TAF1B: variants seen among roughly 807,000 people sequenced by gnomAD.
TAF1B encodes TATA box-binding protein-associated factor RNA polymerase I subunit B.
A neutral mutation model predicts 83.9 loss-of-function variants in TAF1B; 61 were observed. The ratio of observed to expected loss-of-function variants is 0.73; its 90% CI spans 0.59 to 0.90. The LOEUF is 0.90. Among genes scored for constraint, TAF1B ranks in the 40% least tolerant of loss-of-function variants. TAF1B has a pLI of 0.00. For missense variants in TAF1B, 625 were observed against 677.0 expected (o/e 0.92, Z 0.85); for synonymous variants, 221 against 224.6 (o/e 0.98, Z 0.14).
At position 9,881,268 on chromosome 2, in the gene TAF1B, G is replaced by A. The variant is rs1664496934; in HGVS notation, c.708-1438G>A. On this transcript the variant is annotated intron_variant, in intron 7 of 14. Transcript: ENST00000263663. Reference sequence around the variant, plus strand: ...CAGGAAAATCACTTGAACCTGGGAGGTGGAGGCTGCAGTGAGCTGAGATCA... The same window carrying A: ...CAGGAAAATCACTTGAACCTGGGAGATGGAGGCTGCAGTGAGCTGAGATCA... 2.0e-5 allele frequency among the ~76,000 whole-genome samples: 3 copies of A among 152,128 alleles called. No individual in the cohort carries two copies. In the South Asian group the frequency reaches 6.2e-4, roughly 32 times the overall value.
chr2:9,933,642 A>G (rs1666285310), intron 14 of TAF1B, 141 bp from the exon 15 acceptor site: 2 of 665,152 alleles, frequency 3.0e-6, no homozygotes, highest in South Asian at 4.5e-5. Flanking sequence ...AAATTCTTCT[A>G]AGTTTCCTTC....
In TAF1B at chr2:9,868,394, GA is replaced by G; in HGVS notation, c.522del (p.Lys174AsnfsTer34). On this transcript the variant is annotated frameshift_variant, in exon 6 of 15. Transcript: ENST00000263663. LOFTEE classifies it high-confidence loss of function. ...GAGTCTCAGTCTGACATCCACACTC[GA>G]AAACCTTTCCCCGTCAGCAAAGCAT... ...GAESQSDIHT[R>X]KPFPVSKASQ... 2 of 1,613,562 alleles carry G rather than the reference GA, an allele frequency of 1.2e-6. No individual in the cohort carries two copies. Among genetic ancestry groups the G allele is most frequent in the Non-Finnish European group, 1.7e-6 (2 of 1,179,678 alleles).
chr2:9,852,729 C>T (rs929014806), intron 4 of TAF1B, among the ~76,000 whole-genome samples: 6 of 152,268 alleles, frequency 3.9e-5, no homozygotes, highest in South Asian at 4.1e-4. Context: ...TGAGCTCAGG[C>T]AATCTGCCCA....
chr2:9,904,819 T>C lies in TAF1B; in HGVS notation c.808-40T>C, dbSNP rs1665291016. On this transcript the variant is annotated intron_variant, in intron 8 of 14. Transcript: ENST00000263663. ...ACATATTTTTAAAAATAAGTTTTGT[T>C]GCAAAAATTGCAACTATGATGGTCT... The C allele has an allele frequency of 3.2e-6, 5 of 1,573,106 alleles. No individual in the cohort carries two copies. The African/African-American group carries it at 5.5e-5, about 17-fold the overall frequency.
chr2:9,857,167 G>T (rs1663591032), intron 5 of TAF1B, among the ~76,000 whole-genome samples: 1 of 152,116 alleles, frequency 6.6e-6, no homozygotes, highest in Non-Finnish European at 1.5e-5. Flanking sequence ...TAAACCATGG[G>T]ATATCTAGGG....
At chr2:9,879,030 A>G (rs1664410017) in intron 7 of TAF1B, among the ~76,000 whole-genome samples, 1 of 152,218 alleles carries the variant, frequency 6.6e-6, no homozygotes, top group Admixed American at 6.5e-5. Context: ...TGTGAATATC[A>G]GGAGTACAAT....
At chr2:9,924,858 C>T (rs1378326562) in intron 14 of TAF1B, among the ~76,000 whole-genome samples, 1 of 152,164 alleles carries the variant, frequency 6.6e-6, no homozygotes, top group Non-Finnish European at 1.5e-5. Flanking sequence ...CACAAGAGTA[C>T]TTCAGGTATG....
intron 14 of TAF1B, among the ~76,000 whole-genome samples, chr2:9,932,021 C>A (rs1666229279): frequency 1.3e-5 from 2 of 152,194 alleles, no homozygotes; most frequent in South Asian, 4.1e-4. Flanking sequence ...TCCATCAGAT[C>A]ATTTAAGGTC....
At chr2:9,894,861 C>T (rs1384412073) in intron 8 of TAF1B, among the ~76,000 whole-genome samples, 1 of 152,134 alleles carries the variant, frequency 6.6e-6, no homozygotes. Flanking sequence ...CTAGTCTTCT[C>T]GATACCATCT....
intron 8 of TAF1B, among the ~76,000 whole-genome samples, chr2:9,889,054 G>A (rs993185518): frequency 3.3e-5 from 5 of 151,416 alleles, no homozygotes; most frequent in Admixed American, 6.6e-5. Context: ...CACCCGCCTC[G>A]GCCTCCCAGA....
At position 9,868,347 on chromosome 2, in the gene TAF1B, T is replaced by G. The variant is rs11540128; in HGVS notation, c.471T>G (p.Pro157=). ...EPELLSDVSC[P]PFLESGAESQ... ...AGCTGCTAAGTGATGTCAGCTGTCC[T>G]CCTTTTCTTGAAAGTGGAGCGGAGT... The change falls in exon 6 of 15, where the codon CCT becomes CCG. Residue 157 remains proline, a synonymous_variant. Coordinates refer to ENST00000263663, the MANE Select transcript of TAF1B (RefSeq NM_005680.3). The G allele has an allele frequency of 6.2e-7, 1 of 1,614,198 alleles. No individual in the cohort carries two copies. Among genetic ancestry groups the G allele is most frequent in the East Asian group, 2.2e-5 (1 of 44,888 alleles).
chr2:9,913,306 A>G (rs1240303409), intron 12 of TAF1B, 57 bp downstream of exon 12: 2 of 1,425,662 alleles, frequency 1.4e-6, no homozygotes, highest in African/African-American at 2.8e-5. Context: ...CTGTTACTTT[A>G]CATTTGAAAG....
At chr2:9,912,812 C>A (rs1056343320) in intron 11 of TAF1B, among the ~76,000 whole-genome samples, 3 of 152,226 alleles carry the variant, frequency 2.0e-5, no homozygotes, top group African/African-American at 4.8e-5. Context: ...TCTGTTCTTA[C>A]AGTTCTTTCG....
intron 3 of TAF1B, among the ~76,000 whole-genome samples, chr2:9,850,883 C>T (rs569474664): frequency 1.3e-5 from 2 of 152,298 alleles, no homozygotes; most frequent in South Asian, 2.1e-4. Context: ...ACACTTGGCA[C>T]CTAGGCTGAG....
At chr2:9,927,102 T>C (rs193062984) in intron 14 of TAF1B, among the ~76,000 whole-genome samples, 2 of 144,162 alleles carry the variant, frequency 1.4e-5, no homozygotes, top group East Asian at 2.3e-4. Flanking sequence ...TTCCCACTTA[T>C]GAGTGAGAAC....
intron 14 of TAF1B, among the ~76,000 whole-genome samples, chr2:9,927,430 C>A (rs1291450110): frequency 1.3e-5 from 2 of 152,174 alleles, no homozygotes; most frequent in Non-Finnish European, 2.9e-5. Context: ...GTTCTAGATC[C>A]TTGAGGAATT....
chr2:9,843,832 T>C, intron 1 of TAF1B: 1 of 300,030 alleles, frequency 3.3e-6, no homozygotes, highest in East Asian at 5.7e-5. Context: ...AGGATGAAGC[T>C]GTGGGTTTTG....
intron 12 of TAF1B, 159 bp downstream of exon 12, chr2:9,913,408 C>T: frequency 2.0e-6 from 1 of 504,714 alleles, no homozygotes. Context: ...CTCTTTTTTA[C>T]ATTACTATTA....
intron 6 of TAF1B, among the ~76,000 whole-genome samples, chr2:9,873,991 A>G (rs530511204): frequency 6.6e-6 from 1 of 152,152 alleles, no homozygotes; most frequent in Non-Finnish European, 1.5e-5. Context: ...ACTTCTTAGA[A>G]TAAAATCCAA....
Sources: gnomAD v4.1 joint callset for allele counts (sites outside exome capture counted in the v4.1 genomes callset) on GRCh38, gnomAD v4.1.1 for gene constraint, MANE v1.5 for transcripts, NCBI Gene and HGNC (gene_info 2026-07-23, HGNC 2026-07-21) for gene names.